Variants in CFAP221 observed in about 807,000 individuals in gnomAD.
CFAP221 encodes cilia and flagella associated protein 221.
CFAP221 carries 97 observed loss-of-function variants against 113.1 expected under a neutral mutation model. The observed-to-expected ratio is 0.86, with a 90% CI of 0.73 to 1.02. The LOEUF is 1.02. Ranked by LOEUF, CFAP221 falls within the 50% of genes least tolerant of loss-of-function variation. The pLI is 0.00. For synonymous variants in CFAP221, 331 were observed against 354.4 expected (o/e 0.93, Z 0.74); for missense variants, 1,025 against 1,013.4 (o/e 1.01, Z -0.16).
At chr2:119,546,340 T>C (rs1244065192) in intron 2 of CFAP221, 70 bp downstream of exon 2, 1 of 1,452,032 alleles carries the variant, frequency 6.9e-7, no homozygotes, top group Non-Finnish European at 9.1e-7. Context: ...CCAGAGAGCA[T>C]AATGGGACTT....
At chr2:119,625,078 G>T (rs919958818) in intron 14 of CFAP221, among the ~76,000 whole-genome samples, 8 of 151,914 alleles carry the variant, frequency 5.3e-5, no homozygotes, top group African/African-American at 1.9e-4. Context: ...ATTATGGAAT[G>T]AACAATACCC....
intron 6 of CFAP221, among the ~76,000 whole-genome samples, chr2:119,579,681 C>A (rs1030438547): frequency 2.0e-5 from 3 of 152,216 alleles, no homozygotes; most frequent in Non-Finnish European, 4.4e-5. Flanking sequence ...GCTAATGCAT[C>A]AGGAACTTGG....
intron 6 of CFAP221, chr2:119,580,882 G>A (rs1682807746): frequency 6.6e-6 from 1 of 152,526 alleles, no homozygotes; most frequent in South Asian, 2.1e-4. Flanking sequence ...CAGGAGAAGA[G>A]GTAAGCTGCC....
At chr2:119,588,972 A>G (rs1442151886) in intron 7 of CFAP221, among the ~76,000 whole-genome samples, 6 of 152,152 alleles carry the variant, frequency 3.9e-5, no homozygotes, top group African/African-American at 1.2e-4. Context: ...AAGACCAAGG[A>G]AGAAAATCAG....
intron 11 of CFAP221, among the ~76,000 whole-genome samples, chr2:119,606,601 C>T (rs148478111): frequency 1.3e-5 from 2 of 152,122 alleles, no homozygotes; most frequent in East Asian, 3.9e-4. Context: ...ACAGGTAGGT[C>T]ATCATTGTAG....
At position 119,560,575 on chromosome 2, in the gene CFAP221, A is replaced by C. The variant is rs139469562; in HGVS notation, c.426+549A>C. On this transcript the variant is annotated intron_variant, in intron 5 of 23. Transcript: ENST00000413369. ...CAGAGCTGCCGTCATTCCTTCTCTT[A>C]AAACTGTCCCCTCTGCCCCTCCCTT... 6.6e-5 allele frequency among the ~76,000 whole-genome samples: 10 copies of C among 152,228 alleles called. No individual in the cohort carries two copies. The East Asian group carries it at 1.2e-3, about 18-fold the overall frequency.
intron 5 of CFAP221, among the ~76,000 whole-genome samples, chr2:119,561,183 G>A (rs1204715222): frequency 2.0e-5 from 3 of 152,026 alleles, no homozygotes; most frequent in East Asian, 1.9e-4. Flanking sequence ...CCAGCTACTC[G>A]GGAGGCTGAG....
At chr2:119,605,956 G>A (rs549827493) in intron 11 of CFAP221, among the ~76,000 whole-genome samples, 1 of 152,106 alleles carries the variant, frequency 6.6e-6, no homozygotes, top group East Asian at 1.9e-4. Context: ...GCCAAAAAGT[G>A]GAAACTACTG....
intron 14 of CFAP221, among the ~76,000 whole-genome samples, chr2:119,623,422 G>A (rs1240823496): frequency 6.6e-6 from 1 of 152,150 alleles, no homozygotes; most frequent in Non-Finnish European, 1.5e-5. Flanking sequence ...AATCAATATT[G>A]TGAAAATGGC....
chr2:119,618,221 A>G (rs1190677590), intron 14 of CFAP221, among the ~76,000 whole-genome samples: 2 of 152,204 alleles, frequency 1.3e-5, no homozygotes, highest in East Asian at 3.9e-4. Context: ...CTGTATCTCC[A>G]GTGCCTTGCA....
At chr2:119,659,556 C>T (rs528984321), downstream of CFAP221, among the ~76,000 whole-genome samples, 10 of 152,412 alleles carry the variant, frequency 6.6e-5, no homozygotes, top group African/African-American at 2.4e-4. Flanking sequence ...TGGGTACCCA[C>T]CCTTCCCACT....
intron 14 of CFAP221, among the ~76,000 whole-genome samples, chr2:119,624,688 C>T (rs1424873102): frequency 1.3e-5 from 2 of 152,116 alleles, no homozygotes; most frequent in Admixed American, 1.3e-4. Context: ...TACTATGCAG[C>T]CATAAGAAAG....
chr2:119,656,231 T>G, intron 23 of CFAP221, 131 bp from the exon 24 acceptor site: 1 of 661,246 alleles, frequency 1.5e-6, no homozygotes, highest in Non-Finnish European at 2.7e-6. Flanking sequence ...TATCACTAAC[T>G]GTGGTGAAAA....
rs1162986518 is a variant in CFAP221 at position 119,562,076 on chromosome 2, T to A, written c.489T>A (p.Pro163=). The change falls in exon 6 of 24, where the codon CCT becomes CCA. Residue 163 remains proline, a synonymous_variant. Coordinates refer to ENST00000413369, the MANE Select transcript of CFAP221 (RefSeq NM_001271049.2). ...CAGTCATGAACTCACTAGACTTTCC[T>A]TCATTTATAAATCTGTCAAATGTTC... ...AYPVMNSLDF[P]SFINLSNVLL... is the part of the protein sequence containing the mutation. 6.5e-7 allele frequency: 1 copy of A among 1,535,258 alleles called. No homozygotes were observed.
At chr2:119,559,842 G>A (rs914031534) in intron 4 of CFAP221, 67 bp downstream of exon 4, 5 of 1,465,496 alleles carry the variant, frequency 3.4e-6, no homozygotes, top group Non-Finnish European at 4.6e-6. Context: ...TGTGTGGGGT[G>A]GGGGGTGTGT....
At chr2:119,608,470 T>A in intron 11 of CFAP221, 32 bp from the exon 12 acceptor site, 1 of 1,482,786 alleles carries the variant, frequency 6.7e-7, no homozygotes, top group Non-Finnish European at 9.1e-7. Flanking sequence ...TTCTGATGGG[T>A]TCTGGACACA....
intron 11 of CFAP221, among the ~76,000 whole-genome samples, chr2:119,608,219 G>T (rs1019101120): frequency 2.0e-5 from 3 of 152,156 alleles, no homozygotes; most frequent in Non-Finnish European, 2.9e-5. Context: ...GTGTAAAGGG[G>T]TATATTTTTG....
intron 21 of CFAP221, among the ~76,000 whole-genome samples, chr2:119,642,813 T>C (rs928194027): frequency 7.2e-5 from 11 of 151,926 alleles, no homozygotes; most frequent in Non-Finnish European, 1.2e-4. Context: ...GTGCTGGGAT[T>C]ACAGAAGTGG....
intron 21 of CFAP221, among the ~76,000 whole-genome samples, chr2:119,645,415 C>A (rs1687743089): frequency 6.6e-6 from 1 of 151,318 alleles, no homozygotes; most frequent in African/African-American, 2.4e-5. Context: ...TAATGGTAAG[C>A]AGAATATATA....
Sources: allele counts gnomAD v4.1 joint callset (sites outside exome capture counted in the v4.1 genomes callset), GRCh38; gene constraint gnomAD v4.1.1; transcripts MANE v1.5; gene names NCBI Gene and HGNC (gene_info 2026-07-23, HGNC 2026-07-21).